The following HTR1E variants were observed in gnomAD, a reference collection of about 807,000 sequenced individuals.
HTR1E encodes the protein 5-hydroxytryptamine receptor 1E.
HTR1E carries 3 observed loss-of-function variants against 3.4 expected under a neutral mutation model. The ratio of observed to expected loss-of-function variants is 0.89; its 90% CI spans 0.41 to 2.31. The LOEUF (loss-of-function observed/expected upper bound fraction) is 2.31. Among genes scored for constraint, HTR1E ranks in the 30% most tolerant of loss-of-function variants. The pLI, the probability that HTR1E is intolerant of heterozygous loss-of-function variation, is 0.05. For missense variants in HTR1E, 392 were observed against 467.0 expected, an observed-to-expected ratio of 0.84 and a Z score of 1.48; for synonymous variants, 170 against 182.8, an observed-to-expected ratio of 0.93 and a Z score of 0.56.
chr6:87,014,108 C>G (rs1242826703), intron 1 of HTR1E, among the ~76,000 whole-genome samples: 3 of 151,866 alleles, frequency 2.0e-5, no homozygotes, highest in African/African-American at 7.3e-5. Context: ...CCGGGCCTGT[C>G]GTGGGGTCGG....
intron 1 of HTR1E, among the ~76,000 whole-genome samples, chr6:86,977,161 T>C (rs1424468419): frequency 2.6e-5 from 4 of 152,114 alleles, no homozygotes; most frequent in Admixed American, 2.6e-4. Flanking sequence ...ACCCAACAGG[T>C]AGTTTTTCAG....
chr6:86,964,220 C>G (rs558314281), intron 1 of HTR1E, among the ~76,000 whole-genome samples: 1 of 152,076 alleles, frequency 6.6e-6, no homozygotes, highest in Non-Finnish European at 1.5e-5. Flanking sequence ...AAAAAATATG[C>G]GTTGGAATCG....
At chr6:86,993,744 T>A (rs1011214982) in intron 1 of HTR1E, among the ~76,000 whole-genome samples, 1 of 151,808 alleles carries the variant, frequency 6.6e-6, no homozygotes, top group African/African-American at 2.4e-5. Context: ...CATAATATAA[T>A]ACCCAAAATG....
chr6:86,990,658 T>C (rs980328474), intron 1 of HTR1E, among the ~76,000 whole-genome samples: 5 of 152,198 alleles, frequency 3.3e-5, no homozygotes, highest in African/African-American at 1.2e-4. Context: ...AGTGTATTTA[T>C]AAAATAATTT....
At chr6:86,964,201 G>C (rs1259677275) in intron 1 of HTR1E, among the ~76,000 whole-genome samples, 4 of 152,134 alleles carry the variant, frequency 2.6e-5, no homozygotes, top group Non-Finnish European at 5.9e-5. Flanking sequence ...ATAGCCATTT[G>C]CATGACTGAA....
intron 1 of HTR1E, among the ~76,000 whole-genome samples, chr6:86,948,642 G>A (rs920488018): frequency 1.3e-5 from 2 of 152,190 alleles, no homozygotes; most frequent in East Asian, 1.9e-4. Flanking sequence ...GCCATCTGTC[G>A]TTTTTGGCCC....
intron 1 of HTR1E, among the ~76,000 whole-genome samples, chr6:86,994,814 T>G (rs1767913507): frequency 6.6e-6 from 1 of 152,174 alleles, no homozygotes; most frequent in Non-Finnish European, 1.5e-5. Context: ...AGAGGAAATA[T>G]TTAAGATAAT....
intron 1 of HTR1E, among the ~76,000 whole-genome samples, chr6:87,012,570 A>G (rs1768254066): frequency 6.6e-6 from 1 of 152,244 alleles, no homozygotes; most frequent in Admixed American, 6.5e-5. Context: ...AAGAAAAAAA[A>G]GAAAGAACAA....
chr6:86,956,914 CT>C (rs1300544902), intron 1 of HTR1E, among the ~76,000 whole-genome samples: 1 of 152,050 alleles, frequency 6.6e-6, no homozygotes, highest in Non-Finnish European at 1.5e-5. Flanking sequence ...TGTGAATATG[CT>C]TAGCATACTA....
intron 1 of HTR1E, among the ~76,000 whole-genome samples, chr6:86,961,419 C>T (rs1767404936): frequency 1.3e-5 from 2 of 152,156 alleles, no homozygotes; most frequent in South Asian, 2.1e-4. Flanking sequence ...TCTTACACAT[C>T]CCATTTGAAT....
intron 1 of HTR1E, among the ~76,000 whole-genome samples, chr6:86,961,777 GCA>G (rs1211510152): frequency 2.0e-5 from 3 of 152,208 alleles, no homozygotes; most frequent in African/African-American, 7.2e-5. Flanking sequence ...ATATACATGT[GCA>G]CACAAAAATG....
intron 1 of HTR1E, among the ~76,000 whole-genome samples, chr6:86,938,045 A>G (rs978979542): frequency 2.6e-5 from 4 of 152,186 alleles, no homozygotes; most frequent in African/African-American, 7.2e-5. Context: ...CAATTCCTCA[A>G]ATGTGTGAAC....
intron 1 of HTR1E, among the ~76,000 whole-genome samples, chr6:86,946,539 C>T (rs1768618944): frequency 1.3e-5 from 2 of 152,076 alleles, no homozygotes; most frequent in East Asian, 3.9e-4. Flanking sequence ...TGATGCATGG[C>T]TATATATAAA....
At chr6:86,986,308 G>A (rs1767785761) in intron 1 of HTR1E, among the ~76,000 whole-genome samples, 1 of 152,080 alleles carries the variant, frequency 6.6e-6, no homozygotes, top group African/African-American at 2.4e-5. Context: ...CATTTTTAAA[G>A]TATTATATAG....
chr6:86,979,454 A>G (rs1033529731), intron 1 of HTR1E, among the ~76,000 whole-genome samples: 4 of 152,250 alleles, frequency 2.6e-5, no homozygotes, highest in African/African-American at 9.6e-5. Context: ...AGAGGAAAAG[A>G]GAAGAAATGA....
intron 1 of HTR1E, among the ~76,000 whole-genome samples, chr6:86,969,862 T>A (rs1018569993): frequency 4.6e-5 from 7 of 152,104 alleles, no homozygotes; most frequent in Non-Finnish European, 1.0e-4. Context: ...TGTGACACAG[T>A]GGAACTTGGC....
intron 1 of HTR1E, among the ~76,000 whole-genome samples, chr6:86,973,705 C>T (rs764809759): frequency 2.0e-5 from 3 of 152,072 alleles, no homozygotes; most frequent in Non-Finnish European, 2.9e-5. Flanking sequence ...GACAAGAGAC[C>T]GCACAGGTGC....
In HTR1E at chr6:87,015,376, A is replaced by G; in HGVS notation, c.42A>G (p.Ile14Met). The change falls in exon 2 of 2, where the codon ATA becomes ATG. Residue 14 changes from isoleucine to methionine, a missense_variant. Physicochemically the swap from Ile to Met is conservative, Grantham distance 10 (BLOSUM62 1). Around this residue, in one of 3 missense-constraint regions of HTR1E, gnomAD observed 189 missense variants for 258.0 expected, o/e 0.73. Transcript: ENST00000305344. ...TNCTTEASMA[I>M]RPKTITEKML... is the part of the protein sequence containing the mutation. Reference sequence around the variant, plus strand: ...GTACCACAGAGGCCAGCATGGCTATAAGACCCAAGACCATCACTGAGAAGA... The same window carrying G: ...GTACCACAGAGGCCAGCATGGCTATGAGACCCAAGACCATCACTGAGAAGA... The G allele has an allele frequency of 6.3e-7, 1 of 1,598,596 alleles. No individual in the cohort carries two copies. Among genetic ancestry groups the G allele is most frequent in the Non-Finnish European group, 8.5e-7 (1 of 1,170,570 alleles).
chr6:86,971,527 T>C (rs185162705), intron 1 of HTR1E, among the ~76,000 whole-genome samples: 15 of 152,154 alleles, frequency 9.9e-5, no homozygotes, highest in Admixed American at 2.6e-4. Flanking sequence ...GTCATTGATA[T>C]GTGTTTGGAG....
Sources: gnomAD v4.1 joint callset for allele counts (sites outside exome capture counted in the v4.1 genomes callset) on GRCh38, gnomAD v4.1.1 for gene constraint, gnomAD v4.1.1 regional missense constraint, MANE v1.5 for transcripts, NCBI Gene and HGNC (gene_info 2026-07-23, HGNC 2026-07-21) for gene names.